BRINP3: variants seen among roughly 807,000 people sequenced by gnomAD.
BRINP3 encodes BMP/retinoic acid inducible neural specific 3.
Under a neutral mutation model 71.0 loss-of-function variants are expected in BRINP3, and 19 were observed. The ratio of observed to expected loss-of-function variants is 0.27; its 90% CI spans 0.19 to 0.39. The LOEUF (loss-of-function observed/expected upper bound fraction) is 0.39. BRINP3 is among the 10% of genes least tolerant of loss of function. The probability of loss-of-function intolerance (pLI) is 1.00; values close to 1 mark genes in which losing one functional copy is unlikely to be tolerated. For synonymous variants in BRINP3, 380 were observed against 337.7 expected (o/e 1.13, Z -1.37); for missense variants, 959 against 940.8 (o/e 1.02, Z -0.25).
At chr1:190,472,926 T>C (rs1262841798) in intron 1 of BRINP3, among the ~76,000 whole-genome samples, 2 of 151,748 alleles carry the variant, frequency 1.3e-5, no homozygotes, top group East Asian at 3.8e-4. Flanking sequence ...TCAAGATGTA[T>C]TGTAGTTTAT....
chr1:190,138,766 C>T (rs1053476153), intron 7 of BRINP3, among the ~76,000 whole-genome samples: 2 of 152,126 alleles, frequency 1.3e-5, no homozygotes, highest in African/African-American at 4.8e-5. Flanking sequence ...GTAGAATGGC[C>T]ATGTCCTTCT....
At chr1:190,200,278 A>T (rs1282822724) in intron 6 of BRINP3, among the ~76,000 whole-genome samples, 1 of 152,146 alleles carries the variant, frequency 6.6e-6, no homozygotes. Context: ...ATTATGCCAA[A>T]GTCTATTGTC....
intron 2 of BRINP3, among the ~76,000 whole-genome samples, chr1:190,358,650 T>A (rs1668909287): frequency 6.6e-6 from 1 of 152,118 alleles, no homozygotes; most frequent in Non-Finnish European, 1.5e-5. Context: ...GACCCAGCCA[T>A]CCCATTACTA....
intron 2 of BRINP3, among the ~76,000 whole-genome samples, chr1:190,291,662 T>C (rs1377346991): frequency 6.6e-6 from 1 of 152,162 alleles, no homozygotes; most frequent in African/African-American, 2.4e-5. Context: ...TAACAAACTT[T>C]GGCAAGGATA....
At chr1:190,258,722 G>T (rs1183622309) in intron 4 of BRINP3, among the ~76,000 whole-genome samples, 4 of 152,176 alleles carry the variant, frequency 2.6e-5, no homozygotes, top group Non-Finnish European at 5.9e-5. Context: ...CTTAAGTGAT[G>T]ACCTTGATTT....
chr1:190,449,693 C>T (rs1258032782), intron 2 of BRINP3, among the ~76,000 whole-genome samples: 1 of 152,062 alleles, frequency 6.6e-6, no homozygotes, highest in Non-Finnish European at 1.5e-5. Flanking sequence ...GCCTCCAAAT[C>T]CTTCTTTGGT....
intron 3 of BRINP3, among the ~76,000 whole-genome samples, chr1:190,271,726 T>C (rs1662128133): frequency 6.6e-6 from 1 of 151,722 alleles, no homozygotes; most frequent in African/African-American, 2.4e-5. Flanking sequence ...TTCAGATAAA[T>C]ACCGCATTTC....
At chr1:190,276,813 A>C (rs1054498912) in intron 3 of BRINP3, among the ~76,000 whole-genome samples, 2 of 151,394 alleles carry the variant, frequency 1.3e-5, no homozygotes, top group African/African-American at 4.8e-5. Flanking sequence ...AAATATCTAA[A>C]AAATGCTTAA....
intron 2 of BRINP3, among the ~76,000 whole-genome samples, chr1:190,297,155 A>G (rs1338662371): frequency 1.3e-5 from 2 of 152,106 alleles, no homozygotes; most frequent in Non-Finnish European, 2.9e-5. Flanking sequence ...ATTTCAAACT[A>G]CATTACAAAG....
chr1:190,422,122 T>A (rs184312197), intron 2 of BRINP3, among the ~76,000 whole-genome samples: 1 of 151,862 alleles, frequency 6.6e-6, no homozygotes, highest in Admixed American at 6.6e-5. Context: ...TTTTTTTACA[T>A]CTCAGCCTTC....
chr1:190,103,094 G>T (rs1472566301), intron 7 of BRINP3, among the ~76,000 whole-genome samples: 1 of 152,096 alleles, frequency 6.6e-6, no homozygotes, highest in Non-Finnish European at 1.5e-5. Flanking sequence ...TAGAGTAGGA[G>T]TGTGAATATC....
intron 2 of BRINP3, among the ~76,000 whole-genome samples, chr1:190,327,326 C>CAAAAAAAAAAAAA (rs1227478693): frequency 1.9e-3 from 84 of 44,230 alleles, no homozygotes; most frequent in Non-Finnish European, 2.4e-3. Context: ...AAAAAAAGAA[C>CAAAAAAAAAAAAA]AAAAAAAAAA....
intron 2 of BRINP3, among the ~76,000 whole-genome samples, chr1:190,443,213 T>C (rs1448513347): frequency 6.6e-6 from 1 of 151,938 alleles, no homozygotes; most frequent in African/African-American, 2.4e-5. Context: ...TTCTGTATCT[T>C]GACTAAAAGA....
chr1:190,378,833 T>C (rs1258308320), intron 2 of BRINP3, among the ~76,000 whole-genome samples: 1 of 152,164 alleles, frequency 6.6e-6, no homozygotes, highest in Non-Finnish European at 1.5e-5. Flanking sequence ...TTGGGGTTCC[T>C]CAGTTGTGAC....
intron 2 of BRINP3, among the ~76,000 whole-genome samples, chr1:190,324,973 T>C (rs1666483466): frequency 6.6e-6 from 1 of 151,898 alleles, no homozygotes; most frequent in Non-Finnish European, 1.5e-5. Context: ...TTTTCATAGA[T>C]GACTAAACCA....
intron 5 of BRINP3, among the ~76,000 whole-genome samples, chr1:190,232,803 T>C (rs1487427301): frequency 6.6e-6 from 1 of 152,132 alleles, no homozygotes; most frequent in East Asian, 1.9e-4. Flanking sequence ...GAAGTAGTCA[T>C]ACAAATTGGT....
At chr1:190,288,954 AT>A (rs1323723650) in intron 2 of BRINP3, among the ~76,000 whole-genome samples, 1 of 151,938 alleles carries the variant, frequency 6.6e-6, no homozygotes, top group East Asian at 1.9e-4. Flanking sequence ...TTCTTCAATT[AT>A]TTAGGCAACA....
intron 6 of BRINP3, among the ~76,000 whole-genome samples, chr1:190,222,529 GAAGA>G (rs1436940931): frequency 1.3e-5 from 2 of 151,486 alleles, no homozygotes; most frequent in East Asian, 3.9e-4. Flanking sequence ...CAAATTAATA[GAAGA>G]AATAATAAAA....
chr1:190,157,726 T>C (rs2102447284), intron 7 of BRINP3, among the ~76,000 whole-genome samples: 1 of 152,152 alleles, frequency 6.6e-6, no homozygotes, highest in Middle Eastern at 3.4e-3. Flanking sequence ...CAAAAAGACA[T>C]ATTAAATATC....
Sources: gnomAD v4.1 joint callset for allele counts (sites outside exome capture counted in the v4.1 genomes callset) on GRCh38, gnomAD v4.1.1 for gene constraint, MANE v1.5 for transcripts, NCBI Gene and HGNC (gene_info 2026-07-23, HGNC 2026-07-21) for gene names.